ERC2: variants seen among roughly 807,000 people sequenced by gnomAD.
ERC2 encodes ERC protein 2.
In ERC2, 42 loss-of-function variants were observed where a neutral mutation model predicts 114.8. The observed-to-expected ratio is 0.37, with a 90% CI of 0.29 to 0.47. The LOEUF (loss-of-function observed/expected upper bound fraction) is 0.47. ERC2 is among the 20% of genes least tolerant of loss of function. The pLI is 0.99. For synonymous variants in ERC2, 454 were observed against 425.5 expected (o/e 1.07, Z -0.82); for missense variants, 939 against 1,150.7 (o/e 0.82, Z 2.66).
chr3:56,220,602 C>T (rs2049839857), intron 3 of ERC2, among the ~76,000 whole-genome samples: 1 of 152,214 alleles, frequency 6.6e-6, no homozygotes, highest in South Asian at 2.1e-4. Flanking sequence ...CCTGTCACAA[C>T]CATCTCCAGC....
chr3:55,950,886 G>A (rs2067454655), intron 12 of ERC2, among the ~76,000 whole-genome samples: 1 of 152,204 alleles, frequency 6.6e-6, no homozygotes. Context: ...CAAATAGCAT[G>A]CTGTGAGAGA....
At chr3:56,206,204 C>A (rs200661410) in intron 3 of ERC2, among the ~76,000 whole-genome samples, 2 of 40,030 alleles carry the variant, frequency 5.0e-5, no homozygotes, top group Non-Finnish European at 1.1e-4. Context: ...CACACACATA[C>A]ACACACACAC....
intron 3 of ERC2, among the ~76,000 whole-genome samples, chr3:56,258,866 T>C (rs904207515): frequency 2.0e-5 from 3 of 152,238 alleles, no homozygotes; most frequent in Non-Finnish European, 4.4e-5. Flanking sequence ...ATTTTCATTT[T>C]ACCCCTAAAA....
intron 17 of ERC2, among the ~76,000 whole-genome samples, chr3:55,541,680 A>C (rs2054404029): frequency 6.6e-6 from 1 of 152,326 alleles, no homozygotes; most frequent in South Asian, 2.1e-4. Context: ...GGCCATTCCT[A>C]AGCACATACT....
intron 6 of ERC2, among the ~76,000 whole-genome samples, chr3:56,134,365 C>A (rs1007040947): frequency 1.3e-5 from 2 of 152,196 alleles, no homozygotes; most frequent in South Asian, 4.1e-4. Context: ...TCTAAAAGAA[C>A]GTTTGCTCAA....
chr3:55,561,017 C>G (rs11720302), intron 17 of ERC2, among the ~76,000 whole-genome samples: 5 of 151,996 alleles, frequency 3.3e-5, no homozygotes, highest in Admixed American at 6.5e-5. Context: ...CTCTTCATGG[C>G]TTGGGAAACC....
Position 55,950,539 on chromosome 3 carries a change from C to T in ERC2, c.2289G>A (p.Lys763=). ...LTLRHMKDQN[K]KVANLKHNQQ... is the part of the protein sequence containing the mutation. ...GATTGTGCTTGAGGTTGGCCACCTT[C>T]TTATTCTGATCTTTCATATGCCTGA... Residue 763 remains lysine (K), a synonymous_variant, in exon 13 of 18, where the codon AAG becomes AAA. Transcript: ENST00000288221. The T allele has an allele frequency of 6.2e-7, 1 of 1,614,034 alleles. No homozygotes were observed. The highest frequency in any genetic ancestry group is 8.5e-7 in the Non-Finnish European group (1 of 1,179,888).
chr3:56,272,822 T>C (rs983286425), intron 3 of ERC2, among the ~76,000 whole-genome samples: 1 of 152,130 alleles, frequency 6.6e-6, no homozygotes, highest in Non-Finnish European at 1.5e-5. Context: ...CAGGAACATG[T>C]CTCAACCAAA....
At chr3:55,725,046 T>C (rs2064823786) in intron 15 of ERC2, among the ~76,000 whole-genome samples, 1 of 152,180 alleles carries the variant, frequency 6.6e-6, no homozygotes. Flanking sequence ...GAGAGCACAG[T>C]GAGAGATCTT....
intron 14 of ERC2, among the ~76,000 whole-genome samples, chr3:55,755,278 C>T (rs1166949376): frequency 1.3e-5 from 2 of 152,074 alleles, no homozygotes; most frequent in Non-Finnish European, 2.9e-5. Context: ...AAGTTACCAG[C>T]ATTCACGATG....
chr3:56,258,035 A>G (rs896388838), intron 3 of ERC2, among the ~76,000 whole-genome samples: 5 of 152,168 alleles, frequency 3.3e-5, no homozygotes, highest in African/African-American at 9.7e-5. Context: ...TTCATTCTTC[A>G]TATCAAGTCA....
At chr3:55,783,160 G>A (rs187471882) in intron 14 of ERC2, among the ~76,000 whole-genome samples, 1 of 152,304 alleles carries the variant, frequency 6.6e-6, no homozygotes, top group Admixed American at 6.5e-5. Flanking sequence ...ACCGAAGCCT[G>A]AAATGAATAA....
At chr3:55,762,627 C>T (rs552652690) in intron 14 of ERC2, among the ~76,000 whole-genome samples, 5 of 152,192 alleles carry the variant, frequency 3.3e-5, no homozygotes, top group Admixed American at 2.0e-4. Flanking sequence ...GTAGAAGAAA[C>T]GAAGGGACCC....
chr3:56,163,787 C>G (rs2082180993), intron 4 of ERC2, among the ~76,000 whole-genome samples: 1 of 152,086 alleles, frequency 6.6e-6, no homozygotes, highest in African/African-American at 2.4e-5. Flanking sequence ...CTCTTGAAGA[C>G]AGCAGACAGA....
At chr3:55,771,094 T>C (rs1244661176) in intron 14 of ERC2, among the ~76,000 whole-genome samples, 1 of 152,236 alleles carries the variant, frequency 6.6e-6, no homozygotes, top group Non-Finnish European at 1.5e-5. Context: ...TAAATAGTGC[T>C]GCAATAAACA....
At chr3:55,795,108 T>G (rs979594287) in intron 14 of ERC2, among the ~76,000 whole-genome samples, 9 of 152,202 alleles carry the variant, frequency 5.9e-5, no homozygotes, top group Admixed American at 2.0e-4. Context: ...ACAGCTTTTT[T>G]TAAATCCTAA....
At chr3:56,423,082 T>C (rs2061444667) in intron 2 of ERC2, among the ~76,000 whole-genome samples, 2 of 152,258 alleles carry the variant, frequency 1.3e-5, no homozygotes, top group African/African-American at 4.8e-5. Flanking sequence ...GAATTCAAGA[T>C]ATTTGAAGAT....
At chr3:56,464,472 C>T (rs1229859560) in intron 1 of ERC2, among the ~76,000 whole-genome samples, 3 of 152,194 alleles carry the variant, frequency 2.0e-5, no homozygotes, top group Non-Finnish European at 4.4e-5. Context: ...AACCTGAAGA[C>T]CCATGAGTGT....
rs530969700 is a variant in ERC2 at position 56,238,140 on chromosome 3, T to A, written c.1074+57879A>T. Among the ~76,000 whole-genome samples, 7 of 152,024 alleles carry A rather than the reference T, an allele frequency of 4.6e-5. No homozygotes were observed. The East Asian group carries it at 1.2e-3, about 25-fold the overall frequency. The stretch of plus-strand genomic sequence containing the variant: ...TTTTCTTTTCAATCTTAAATAGAAG[T>A]TTTGTTTGTTTTCTTAATTTAATAA... On this transcript the variant is annotated intron_variant, in intron 3 of 17. Coordinates refer to ENST00000288221, the MANE Select transcript of ERC2 (RefSeq NM_015576.3).
Sources: allele counts gnomAD v4.1 joint callset (sites outside exome capture counted in the v4.1 genomes callset), GRCh38; gene constraint gnomAD v4.1.1; transcripts MANE v1.5; gene names NCBI Gene and HGNC (gene_info 2026-07-23, HGNC 2026-07-21).